Variants in THRAP3 observed in about 807,000 individuals in gnomAD.
THRAP3 encodes thyroid hormone receptor associated protein 3.
A neutral mutation model predicts 101.0 loss-of-function variants in THRAP3; 16 were observed. That is an observed-to-expected ratio of 0.16 (90% CI 0.11 to 0.24). The LOEUF (loss-of-function observed/expected upper bound fraction) is 0.24, where lower values mean the gene tolerates loss of function less well. THRAP3 is among the 10% of genes least tolerant of loss of function. THRAP3 has a pLI of 1.00. For synonymous variants in THRAP3, 407 were observed against 422.6 expected (o/e 0.96, Z 0.45); for missense variants, 989 against 1,202.7 (o/e 0.82, Z 2.63).
At chr1:36,220,972 A>AAAAT (rs1285765741), upstream of THRAP3, among the ~76,000 whole-genome samples, 169 of 94,096 alleles carry the variant, frequency 1.8e-3, 1 homozygote, top group Non-Finnish European at 2.4e-3. Flanking sequence ...AAAAAAAAAA[A>AAAAT]ATATATATAT....
intron 1 of THRAP3, among the ~76,000 whole-genome samples, chr1:36,229,176 C>T (rs1644995916): frequency 6.6e-6 from 1 of 152,146 alleles, no homozygotes; most frequent in Non-Finnish European, 1.5e-5. Context: ...TGGCTTGCTG[C>T]AACCTCAGCC....
intron 4 of THRAP3, chr1:36,288,591 T>G: frequency 1.0e-6 from 1 of 985,468 alleles, no homozygotes. Flanking sequence ...GAAGCAAATT[T>G]GAAGTCTCTT....
intron 2 of THRAP3, among the ~76,000 whole-genome samples, chr1:36,277,736 G>A (rs1645678777): frequency 6.6e-6 from 1 of 151,962 alleles, no homozygotes; most frequent in African/African-American, 2.4e-5. Flanking sequence ...TAGATGTATG[G>A]TCAATTGGGT....
At chr1:36,224,093 C>G (rs1644928180), upstream of THRAP3, among the ~76,000 whole-genome samples, 1 of 152,244 alleles carries the variant, frequency 6.6e-6, no homozygotes. Context: ...ACAAGGCAAG[C>G]TGGCCCGGAG....
Position 36,286,913 on chromosome 1 carries a change from A to G in THRAP3, c.683A>G (p.Tyr228Cys), listed in dbSNP as rs768277101. The change falls in exon 4 of 12, where the codon TAC becomes TGC. Residue 228 changes from tyrosine (Y) to cysteine (C), a missense_variant. Coordinates refer to ENST00000354618, the MANE Select transcript of THRAP3 (RefSeq NM_005119.4). The surrounding 1 kb of genome is among the most constrained non-coding windows in gnomAD (Gnocchi z 5.5). ...TCGAAGCCATGGCCAGATGCCACCT[A>G]CGGCACTGGTTCTGCATCACGGGCC... ...ESSKPWPDAT[Y>C]GTGSASRASA... 7.4e-6 allele frequency: 12 copies of G among 1,614,060 alleles called. No homozygotes were observed. The African/African-American group carries it at 1.2e-4, about 16-fold the overall frequency.
rs1557819492 is a variant in THRAP3 at position 36,252,966 on chromosome 1, AT to A, written c.-134-6415del. 3.4e-3 allele frequency among the ~76,000 whole-genome samples: 463 copies of A among 134,648 alleles called. 3 individuals carry two copies. Among genetic ancestry groups the A allele is most frequent in the Middle Eastern group, 7.7e-3 (2 of 260 alleles). 88.3% of individuals were successfully genotyped at this position (134,648 alleles called of 152,430 possible). On this transcript the variant is annotated intron_variant, in intron 1 of 11. Coordinates refer to ENST00000354618, the MANE Select transcript of THRAP3 (RefSeq NM_005119.4). ...TATATATATATATATATATATATATATATAAATGTAAATAATGAGTATAATT... is the reference window on the plus strand; with the variant it reads ...TATATATATATATATATATATATATAATAAATGTAAATAATGAGTATAATT...
intron 2 of THRAP3, among the ~76,000 whole-genome samples, chr1:36,275,180 C>T (rs1261456578): frequency 6.7e-6 from 1 of 149,908 alleles, no homozygotes; most frequent in African/African-American, 2.5e-5. Flanking sequence ...GTCCCAGCTA[C>T]TTGGGAGGCT....
At chr1:36,288,521 T>A in intron 4 of THRAP3, 1 of 985,472 alleles carries the variant, frequency 1.0e-6, no homozygotes, top group Non-Finnish European at 1.2e-6. Context: ...CCCATTAACA[T>A]GTATTTTGTT....
chr1:36,302,335 G>A (rs144858010), intron 11 of THRAP3, among the ~76,000 whole-genome samples: 78 of 152,342 alleles, frequency 5.1e-4, no homozygotes, highest in African/African-American at 1.8e-3. Context: ...TGCCAAAATG[G>A]CTGGAATGGA....
At position 36,287,062 on chromosome 1, in the gene THRAP3, T is replaced by A; in HGVS notation, c.832T>A (p.Ser278Thr). 1 of 1,613,836 alleles carries A rather than the reference T, an allele frequency of 6.2e-7. No individual in the cohort carries two copies. The highest frequency in any genetic ancestry group is 8.5e-7 in the Non-Finnish European group (1 of 1,179,772). The stretch of plus-strand genomic sequence containing the variant: ...CGTGCCAAAACCTAGTCCTCCACTT[T>A]CCAGCACATCCCAGATGGGCTCAAC... Reference protein sequence around the residue: ...SPVPKPSPPLSSTSQMGSTLP... With the variant: ...SPVPKPSPPLTSTSQMGSTLP... The change falls in exon 4 of 12, where the codon TCC becomes ACC. Residue 278 changes from serine (S) to threonine (T), a missense_variant. By Grantham distance (58) the Ser-to-Thr change is moderately conservative. Coordinates refer to ENST00000354618, the MANE Select transcript of THRAP3 (RefSeq NM_005119.4).
In THRAP3 at chr1:36,227,887, T is replaced by G. The variant is rs1644980059; in HGVS notation, c.-135+3382T>G. Among the ~76,000 whole-genome samples, 8 of 152,116 alleles carry G rather than the reference T, an allele frequency of 5.3e-5. No homozygotes were observed. The South Asian group carries it at 1.7e-3, about 32-fold the overall frequency. On this transcript the variant is annotated intron_variant, in intron 1 of 11. Transcript: ENST00000354618. ...ATTCTGCATGGCAGGACACTCTTTT[T>G]GTTTTTGAGACGGAATCTCGCTCTG...
In THRAP3 at chr1:36,288,689, T is replaced by G. The variant is rs1645826911; in HGVS notation, c.1041-371T>G. ...TATGTTAACTTTGCTGAAAGCAGATTTTAAGTGACTGAGTGAAGGTTGGGT... is the reference window on the plus strand; with the variant it reads ...TATGTTAACTTTGCTGAAAGCAGATGTTAAGTGACTGAGTGAAGGTTGGGT... On this transcript the variant is annotated intron_variant, in intron 4 of 11. Coordinates refer to ENST00000354618, the MANE Select transcript of THRAP3 (RefSeq NM_005119.4). 3 of 985,358 alleles carry G rather than the reference T, an allele frequency of 3.0e-6. No individual in the cohort carries two copies. The South Asian group carries it at 1.4e-4, about 46-fold the overall frequency. 61.0% of individuals were successfully genotyped at this position (985,358 alleles called of 1,614,324 possible). A position where few individuals can be genotyped will look rare whatever the true frequency, so the allele number is the denominator to read the frequency against.
Position 36,304,641 on chromosome 1 carries a change from C to G in THRAP3, c.*624C>G, listed in dbSNP as rs1322248205. 4.5e-6 allele frequency: 1 copy of G among 221,616 alleles called. No homozygotes were observed. Among genetic ancestry groups the G allele is most frequent in the Admixed American group, 5.8e-5 (1 of 17,334 alleles). 13.7% of individuals were successfully genotyped at this position (221,616 alleles called of 1,614,324 possible). On this transcript the variant is annotated 3_prime_UTR_variant, in exon 12 of 12. Coordinates refer to ENST00000354618, the MANE Select transcript of THRAP3 (RefSeq NM_005119.4). Reference sequence around the variant, plus strand: ...TGTCAAGGAGGAGTTTAAGGCCTTTCCGACCACCTTGTGTTCCCCTTTTCT... The same window carrying G: ...TGTCAAGGAGGAGTTTAAGGCCTTTGCGACCACCTTGTGTTCCCCTTTTCT...
chr1:36,269,728 G>A (rs1313293885), intron 2 of THRAP3, among the ~76,000 whole-genome samples: 2 of 151,538 alleles, frequency 1.3e-5, no homozygotes, highest in Admixed American at 1.3e-4. Context: ...TCACCATCAT[G>A]CCCAGCTAAT....
At chr1:36,211,079 G>A in the THRAP3 span, among the ~76,000 whole-genome samples, 2 of 151,308 alleles carry the variant, frequency 1.3e-5, no homozygotes, top group African/African-American at 4.9e-5. Flanking sequence ...CGGGCATAGT[G>A]GTACGCTCCT....
At chr1:36,250,008 G>T (rs191556801) in intron 1 of THRAP3, among the ~76,000 whole-genome samples, 12 of 152,014 alleles carry the variant, frequency 7.9e-5, no homozygotes, top group African/African-American at 9.7e-5. Flanking sequence ...GTTTATAGAC[G>T]AAAGCAATCT....
intron 1 of THRAP3, among the ~76,000 whole-genome samples, chr1:36,227,059 A>G (rs1644970423): frequency 6.6e-6 from 1 of 152,140 alleles, no homozygotes; most frequent in African/African-American, 2.4e-5. Flanking sequence ...AGGAGAGGGT[A>G]TCCAGGTAGA....
intron 5 of THRAP3, among the ~76,000 whole-genome samples, chr1:36,290,881 T>G (rs1645859081): frequency 6.6e-6 from 1 of 152,202 alleles, no homozygotes; most frequent in South Asian, 2.1e-4. Flanking sequence ...CTCAGGCAGC[T>G]GGAAGTCTAT....
At chr1:36,213,977 GAA>G in the THRAP3 span, among the ~76,000 whole-genome samples, 225 of 88,114 alleles carry the variant, frequency 2.6e-3, no homozygotes, top group Middle Eastern at 6.2e-3. Context: ...GAGAAAGAAA[GAA>G]AGAAAGAAAG....
Sources: gnomAD v4.1 joint callset for allele counts (sites outside exome capture counted in the v4.1 genomes callset) on GRCh38, gnomAD v4.1.1 for gene constraint, Gnocchi (gnomAD v3.1) non-coding constraint, MANE v1.5 for transcripts, NCBI Gene and HGNC (gene_info 2026-07-23, HGNC 2026-07-21) for gene names.